Variants in MLIP observed in about 807,000 individuals in gnomAD.
The protein encoded by MLIP is muscular LMNA-interacting protein.
A neutral mutation model predicts 84.8 loss-of-function variants in MLIP; 79 were observed. The observed-to-expected ratio is 0.93, with a 90% CI of 0.78 to 1.12. The LOEUF is 1.12. Among genes scored for constraint, MLIP ranks in the 50% most tolerant of loss-of-function variants. MLIP has a pLI of 0.00. For synonymous variants in MLIP, 504 were observed against 463.0 expected, an observed-to-expected ratio of 1.09 and a Z score of -1.14; for missense variants, 1,257 against 1,160.6, an observed-to-expected ratio of 1.08 and a Z score of -1.21.
chr6:54,209,505 A>G lies in MLIP; in HGVS notation c.2718+7272A>G, dbSNP rs146548512. Among the ~76,000 whole-genome samples the G allele has an allele frequency of 2.1e-3, 323 of 152,290 alleles. 2 individuals carry two copies. The highest frequency in any genetic ancestry group is 7.4e-3 in the African/African-American group (308 of 41,568). The stretch of plus-strand genomic sequence containing the variant: ...CCAATTTTTTTGAAAAAAGAATTGT[A>G]TTTTTGTCTATTTCAAAGACTTCAT... On this transcript the variant is annotated intron_variant, in intron 11 of 13. Transcript: ENST00000502396.
intron 3 of MLIP, among the ~76,000 whole-genome samples, 169 bp downstream of exon 3, chr6:54,125,034 G>A (rs1174244683): frequency 2.0e-5 from 3 of 152,210 alleles, no homozygotes; most frequent in Non-Finnish European, 4.4e-5. Flanking sequence ...TGTAAACACA[G>A]ATAATAAATA....
rs372955232 is a variant in MLIP at position 54,169,169 on chromosome 6, G to A, written c.2500-359G>A. Among the ~76,000 whole-genome samples the A allele has an allele frequency of 9.9e-5, 15 of 151,664 alleles. No homozygotes were observed. The East Asian group carries it at 2.3e-3, about 24-fold the overall frequency. Reference sequence around the variant, plus strand: ...CTTTCTGGGAGTGAATGATTGAATTGGAGTAGATGAGAACATCTTTGTAAT... The same window carrying A: ...CTTTCTGGGAGTGAATGATTGAATTAGAGTAGATGAGAACATCTTTGTAAT... On this transcript the variant is annotated intron_variant, in intron 8 of 13. Transcript: ENST00000502396.
intron 1 of MLIP, chr6:54,047,016 G>C (rs1765099085): frequency 6.6e-6 from 1 of 152,146 alleles, no homozygotes; most frequent in Admixed American, 6.5e-5. Flanking sequence ...CACTGCACTT[G>C]AGATTAGCTG....
chr6:54,048,168 G>A (rs936247578), intron 1 of MLIP, among the ~76,000 whole-genome samples: 1 of 152,168 alleles, frequency 6.6e-6, no homozygotes, highest in Non-Finnish European at 1.5e-5. Context: ...GGTGATGTCT[G>A]TCAGTAGGTG....
At chr6:54,140,905 C>T (rs1164617922) in intron 4 of MLIP, among the ~76,000 whole-genome samples, 2 of 152,160 alleles carry the variant, frequency 1.3e-5, no homozygotes, top group Non-Finnish European at 2.9e-5. Flanking sequence ...TGTCTTGCTC[C>T]TTCCAGTGTG....
At chr6:54,253,075 T>G (rs1296405045) in intron 12 of MLIP, among the ~76,000 whole-genome samples, 1 of 152,136 alleles carries the variant, frequency 6.6e-6, no homozygotes, top group Non-Finnish European at 1.5e-5. Context: ...ACTGGTTGGG[T>G]CCTATGCTAA....
Position 54,126,921 on chromosome 6 carries a change from C to T in MLIP, c.645+2056C>T, listed in dbSNP as rs566815901. On this transcript the variant is annotated intron_variant, in intron 3 of 13. Coordinates refer to ENST00000502396, the MANE Select transcript of MLIP (RefSeq NM_001281747.2). ...CTAAGAAATGTCTTCACTTCTTAGT[C>T]TGGCCTTTAACCTTTCCATGACCTA... Among the ~76,000 whole-genome samples, 315 of 152,202 alleles carry T rather than the reference C, an allele frequency of 2.1e-3. 1 individual carries two copies. The highest frequency in any genetic ancestry group is 7.4e-3 in the African/African-American group (306 of 41,548).
chr6:54,238,040 C>T (rs940681447), intron 12 of MLIP, among the ~76,000 whole-genome samples: 2 of 152,092 alleles, frequency 1.3e-5, no homozygotes, highest in African/African-American at 4.8e-5. Context: ...CCCCATTTTA[C>T]AATGCATTTA....
At position 54,246,030 on chromosome 6, in the gene MLIP, C is replaced by A. The variant is rs369295777; in HGVS notation, c.2923-11278C>A. Among the ~76,000 whole-genome samples the A allele has an allele frequency of 3.5e-4, 54 of 152,236 alleles. 1 individual carries two copies. Among genetic ancestry groups the A allele is most frequent in the Admixed American group, 1.3e-3 (20 of 15,274 alleles). On this transcript the variant is annotated intron_variant, in intron 12 of 13. Coordinates refer to ENST00000502396, the MANE Select transcript of MLIP (RefSeq NM_001281747.2). ...ATGTGTGACTAATGAAAGCACAACTCAGACATTTAACTTACAGCCATCAAA... is the reference window on the plus strand; with the variant it reads ...ATGTGTGACTAATGAAAGCACAACTAAGACATTTAACTTACAGCCATCAAA...
At chr6:54,261,559 T>C in intron 13 of MLIP, 1 of 983,634 alleles carries the variant, frequency 1.0e-6, no homozygotes, top group Non-Finnish European at 1.2e-6. Context: ...ACAATTCTGT[T>C]AGCAAGGTGA....
intron 1 of MLIP, among the ~76,000 whole-genome samples, chr6:54,085,805 T>C (rs923600874): frequency 6.6e-6 from 1 of 152,180 alleles, no homozygotes; most frequent in Non-Finnish European, 1.5e-5. Flanking sequence ...AGTTCCAGGG[T>C]TACCAGAGTT....
At chr6:54,188,773 C>A (rs1225273922) in intron 9 of MLIP, among the ~76,000 whole-genome samples, 1 of 152,130 alleles carries the variant, frequency 6.6e-6, no homozygotes, top group East Asian at 1.9e-4. Flanking sequence ...AATAAAAGAA[C>A]ATACCAAGAC....
At chr6:54,177,906 G>A (rs1562021103) in intron 9 of MLIP, among the ~76,000 whole-genome samples, 1 of 152,082 alleles carries the variant, frequency 6.6e-6, no homozygotes. Context: ...AACATGGATG[G>A]AGCTGGAAGC....
At chr6:54,257,577 G>A (rs1011603822) in intron 13 of MLIP, among the ~76,000 whole-genome samples, 4 of 152,004 alleles carry the variant, frequency 2.6e-5, no homozygotes, top group East Asian at 1.9e-4. Context: ...AGAGTTCCCC[G>A]TGTCTGATAC....
At chr6:54,180,581 A>G (rs933056514) in intron 9 of MLIP, among the ~76,000 whole-genome samples, 5 of 152,126 alleles carry the variant, frequency 3.3e-5, no homozygotes, top group Non-Finnish European at 5.9e-5. Context: ...CTTTGAGCTT[A>G]TTAATTCTTT....
intron 3 of MLIP, among the ~76,000 whole-genome samples, chr6:54,126,423 A>G (rs550145203): frequency 3.3e-5 from 5 of 151,732 alleles, no homozygotes; most frequent in Non-Finnish European, 7.4e-5. Context: ...AGCAGGTTAT[A>G]GTTCATGTTA....
chr6:54,157,756 C>T (rs78977690), intron 5 of MLIP, among the ~76,000 whole-genome samples: 1,823 of 152,144 alleles, frequency 0.012, 44 homozygotes, highest in African/African-American at 0.04. Flanking sequence ...ACCATCTGAA[C>T]ACCAGTGAAG....
chr6:54,096,005 G>A (rs1407239), intron 1 of MLIP, among the ~76,000 whole-genome samples: 78,115 of 151,918 alleles, frequency 0.51, 22,216 homozygotes, highest in East Asian at 0.65. Context: ...GATGTATGAA[G>A]TAAAGTAAAA....
At chr6:54,133,252 A>C (rs376238571) in intron 3 of MLIP, among the ~76,000 whole-genome samples, 6 of 152,172 alleles carry the variant, frequency 3.9e-5, no homozygotes, top group African/African-American at 1.4e-4. Flanking sequence ...GATAGGTTAA[A>C]TAGGCTGCAA....
Sources: allele counts gnomAD v4.1 joint callset (sites outside exome capture counted in the v4.1 genomes callset), GRCh38; gene constraint gnomAD v4.1.1; transcripts MANE v1.5; gene names NCBI Gene and HGNC (gene_info 2026-07-23, HGNC 2026-07-21).